The following FRMD4A variants were observed in gnomAD, a reference collection of about 807,000 sequenced individuals.
The protein encoded by FRMD4A is FERM domain-containing protein 4A.
Under a neutral mutation model 129.1 loss-of-function variants are expected in FRMD4A, and 29 were observed. The observed-to-expected ratio is 0.22, with a 90% CI of 0.17 to 0.31. The LOEUF (loss-of-function observed/expected upper bound fraction) is 0.31, where lower values mean the gene tolerates loss of function less well. FRMD4A is among the 10% of genes least tolerant of loss of function. FRMD4A has a pLI of 1.00. For synonymous variants in FRMD4A, 634 were observed against 571.6 expected (o/e 1.11, Z -1.56); for missense variants, 1,272 against 1,375.8 (o/e 0.92, Z 1.19).
chr10:14,079,051 C>A (rs540510228), intron 2 of FRMD4A, among the ~76,000 whole-genome samples: 46 of 152,302 alleles, frequency 3.0e-4, no homozygotes, highest in African/African-American at 1.1e-3. Context: ...TGCTCTTTTG[C>A]TTTTGAAACA....
chr10:13,773,028 A>G (rs1214575727), intron 6 of FRMD4A, among the ~76,000 whole-genome samples: 2 of 152,224 alleles, frequency 1.3e-5, no homozygotes, highest in African/African-American at 4.8e-5. Flanking sequence ...TGGTTATTAC[A>G]CATTACATGC....
chr10:14,043,809 C>T (rs552391138), intron 2 of FRMD4A, among the ~76,000 whole-genome samples: 15 of 152,276 alleles, frequency 9.9e-5, no homozygotes, highest in East Asian at 1.9e-4. Context: ...ACTAGGTGTC[C>T]GGTCCCAGAT....
At chr10:13,681,473 G>C (rs187168606) in intron 15 of FRMD4A, among the ~76,000 whole-genome samples, 195 of 78,086 alleles carry the variant, frequency 2.5e-3, no homozygotes, top group Non-Finnish European at 3.7e-3. Flanking sequence ...ACCTGGAAAG[G>C]GTTGTCCAAA....
chr10:13,954,798 C>T (rs966246612), intron 2 of FRMD4A, among the ~76,000 whole-genome samples: 9 of 152,292 alleles, frequency 5.9e-5, no homozygotes, highest in South Asian at 2.1e-4. Flanking sequence ...TTCAAAACCC[C>T]GTACCAAACC....
chr10:14,304,162 C>T (rs531111243), intron 2 of FRMD4A, among the ~76,000 whole-genome samples: 2 of 152,186 alleles, frequency 1.3e-5, no homozygotes, highest in Non-Finnish European at 2.9e-5. Context: ...AGTGGAATTG[C>T]TGGATCGTAT....
At chr10:14,311,154 C>A (rs1259887896) in intron 2 of FRMD4A, among the ~76,000 whole-genome samples, 1 of 152,154 alleles carries the variant, frequency 6.6e-6, no homozygotes, top group African/African-American at 2.4e-5. Context: ...AGCAACAGAG[C>A]CCTTTGTGGT....
At chr10:14,162,903 C>T (rs1352950488) in intron 2 of FRMD4A, among the ~76,000 whole-genome samples, 1 of 152,102 alleles carries the variant, frequency 6.6e-6, no homozygotes, top group African/African-American at 2.4e-5. Flanking sequence ...GCTTTAAAGC[C>T]TGTGTGGTAA....
chr10:14,283,439 C>T (rs184390530), intron 2 of FRMD4A, among the ~76,000 whole-genome samples: 1 of 151,988 alleles, frequency 6.6e-6, no homozygotes, highest in Non-Finnish European at 1.5e-5. Flanking sequence ...CCCTCTATAT[C>T]CCTATATTCA....
chr10:14,330,305 A>AC, intron 1 of FRMD4A, 122 bp from the exon 2 acceptor site: 3 of 471,032 alleles, frequency 6.4e-6, no homozygotes, highest in Non-Finnish European at 1.1e-5. Context: ...GTGCTTAGGG[A>AC]GGAAAAAAAA....
In FRMD4A at chr10:14,042,200, C is replaced by T. The variant is rs146908602; in HGVS notation, c.46-183288G>A. ...TGTAGCCTAAATATTTGCCCTGGCA[C>T]GCTTATACTGGTCCAAGCAAGCATT... On this transcript the variant is annotated intron_variant, in intron 2 of 24. Coordinates refer to ENST00000357447, the MANE Select transcript of FRMD4A (RefSeq NM_018027.5). Among the ~76,000 whole-genome samples the T allele has an allele frequency of 4.5e-3, 685 of 152,322 alleles. 3 individuals carry two copies. The highest frequency in any genetic ancestry group is 0.016 in the African/African-American group (645 of 41,568).
chr10:13,884,206 A>ACACTCACACACTCTCT (rs2094589487), intron 2 of FRMD4A, among the ~76,000 whole-genome samples: 2 of 83,334 alleles, frequency 2.4e-5, no homozygotes, highest in African/African-American at 9.5e-5. Context: ...TCACACACAC[A>ACACTCACACACTCTCT]CTCACACACA....
At chr10:13,659,655 G>T (rs973837443) in intron 20 of FRMD4A, among the ~76,000 whole-genome samples, 165 bp from the exon 21 acceptor site, 3 of 152,120 alleles carry the variant, frequency 2.0e-5, no homozygotes, top group Non-Finnish European at 2.9e-5. Flanking sequence ...TCCCCAGCAG[G>T]GGGTATGCCC....
At chr10:14,255,878 C>T (rs1047211520) in intron 2 of FRMD4A, among the ~76,000 whole-genome samples, 3 of 151,818 alleles carry the variant, frequency 2.0e-5, no homozygotes, top group African/African-American at 7.3e-5. Flanking sequence ...TGGTGGCCTG[C>T]ACCTTTAATC....
chr10:14,302,583 T>C lies in FRMD4A; in HGVS notation c.45+27475A>G, dbSNP rs765020938. Among the ~76,000 whole-genome samples the C allele has an allele frequency of 2.2e-4, 34 of 152,308 alleles. No homozygotes were observed. The South Asian group carries it at 2.3e-3, about 10-fold the overall frequency. The stretch of plus-strand genomic sequence containing the variant: ...AGGTTTTTATGAGGATTAAATCAGC[T>C]AACACACACGGACTTCTTAGAATAA... On this transcript the variant is annotated intron_variant, in intron 2 of 24. Coordinates refer to ENST00000357447, the MANE Select transcript of FRMD4A (RefSeq NM_018027.5).
intron 3 of FRMD4A, among the ~76,000 whole-genome samples, chr10:13,852,211 A>G (rs1215510720): frequency 6.6e-6 from 1 of 152,000 alleles, no homozygotes; most frequent in African/African-American, 2.4e-5. Context: ...AAAGAAATAC[A>G]ACGTGAGCCA....
At chr10:14,324,871 A>G (rs906801356) in intron 2 of FRMD4A, among the ~76,000 whole-genome samples, 1 of 152,148 alleles carries the variant, frequency 6.6e-6, no homozygotes. Context: ...ATGTTGGCCA[A>G]GCTAGTCTCA....
intron 2 of FRMD4A, among the ~76,000 whole-genome samples, chr10:14,094,990 A>ACATC (rs995694251): frequency 6.6e-6 from 1 of 152,050 alleles, no homozygotes; most frequent in African/African-American, 2.4e-5. Flanking sequence ...AGAGATCCAT[A>ACATC]CATCCATATG....
At chr10:13,826,028 C>A (rs750256497) in intron 3 of FRMD4A, among the ~76,000 whole-genome samples, 1 of 152,194 alleles carries the variant, frequency 6.6e-6, no homozygotes, top group African/African-American at 2.4e-5. Flanking sequence ...GCCAGTTCTA[C>A]CCGATGTGTA....
chr10:13,902,456 G>GGAGAGAGAGAGA (rs140040052), intron 2 of FRMD4A, among the ~76,000 whole-genome samples: 6,534 of 127,542 alleles, frequency 0.051, 381 homozygotes, highest in East Asian at 0.12. Flanking sequence ...GCAAAATACT[G>GGAGAGAGAGAGA]GAGAGAGAGA....
Sources: gnomAD v4.1 joint callset for allele counts (sites outside exome capture counted in the v4.1 genomes callset) on GRCh38, gnomAD v4.1.1 for gene constraint, MANE v1.5 for transcripts, NCBI Gene and HGNC (gene_info 2026-07-23, HGNC 2026-07-21) for gene names.